The following SPIDR variants were observed in gnomAD, a reference collection of about 807,000 sequenced individuals.
The protein encoded by SPIDR is scaffold protein involved in DNA repair.
In SPIDR, 93 loss-of-function variants were observed where a neutral mutation model predicts 104.6. The ratio of observed to expected loss-of-function variants is 0.89; its 90% CI spans 0.75 to 1.06. The LOEUF (loss-of-function observed/expected upper bound fraction) is 1.06, where lower values mean the gene tolerates loss of function less well. Among genes scored for constraint, SPIDR ranks in the 50% least tolerant of loss-of-function variants. The probability of loss-of-function intolerance (pLI) is 0.00; values close to 1 mark genes in which losing one functional copy is unlikely to be tolerated. For synonymous variants in SPIDR, 431 were observed against 416.9 expected (o/e 1.03, Z -0.41); for missense variants, 1,154 against 1,111.2 (o/e 1.04, Z -0.55).
chr8:47,520,077 G>A (rs191598093), intron 8 of SPIDR, among the ~76,000 whole-genome samples: 1 of 152,274 alleles, frequency 6.6e-6, no homozygotes, highest in East Asian at 1.9e-4. Flanking sequence ...GCCTGAACTT[G>A]ACTATAGATA....
intron 5 of SPIDR, among the ~76,000 whole-genome samples, chr8:47,361,481 G>C (rs1563740118): frequency 6.6e-6 from 1 of 152,198 alleles, no homozygotes; most frequent in Non-Finnish European, 1.5e-5. Context: ...GGCTGGGTTA[G>C]GCAGGTAGGA....
At chr8:47,692,599 G>T (rs1021723110) in intron 11 of SPIDR, among the ~76,000 whole-genome samples, 1 of 148,880 alleles carries the variant, frequency 6.7e-6, no homozygotes, top group Non-Finnish European at 1.5e-5. Context: ...CTGGGTTCAA[G>T]CGATTCTCCT....
chr8:47,336,909 A>G (rs1554609812), intron 5 of SPIDR, among the ~76,000 whole-genome samples: 1 of 152,192 alleles, frequency 6.6e-6, no homozygotes, highest in Non-Finnish European at 1.5e-5. Flanking sequence ...GAGGGTCTGC[A>G]GTTTCTCCAT....
Position 47,668,760 on chromosome 8 carries a change from A to G in SPIDR, c.1545-5041A>G, listed in dbSNP as rs376128902. ...CTAAACGGATTACAAATAGTAATTGATGGATTACAAAAGTTCAATATACAA... is the reference window on the plus strand; with the variant it reads ...CTAAACGGATTACAAATAGTAATTGGTGGATTACAAAAGTTCAATATACAA... On this transcript the variant is annotated intron_variant, in intron 10 of 19. Coordinates refer to ENST00000297423, the MANE Select transcript of SPIDR (RefSeq NM_001080394.4). 5.3e-5 allele frequency among the ~76,000 whole-genome samples: 8 copies of G among 152,330 alleles called. No homozygotes were observed. In the South Asian group the frequency reaches 1.0e-3, roughly 20 times the overall value.
At chr8:47,571,587 C>A (rs1259453966) in intron 8 of SPIDR, among the ~76,000 whole-genome samples, 1 of 152,040 alleles carries the variant, frequency 6.6e-6, no homozygotes. Flanking sequence ...ATATAAAATA[C>A]AAACATTATA....
At chr8:47,473,323 T>G (rs1295375467) in intron 8 of SPIDR, among the ~76,000 whole-genome samples, 1 of 152,194 alleles carries the variant, frequency 6.6e-6, no homozygotes, top group African/African-American at 2.4e-5. Flanking sequence ...TTGTTTTCTT[T>G]TTTCAACATA....
intron 8 of SPIDR, among the ~76,000 whole-genome samples, chr8:47,524,298 C>T (rs2084642642): frequency 6.6e-6 from 1 of 152,192 alleles, no homozygotes; most frequent in Admixed American, 6.5e-5. Context: ...GAAATCTCCT[C>T]CTCCTCTTCT....
At chr8:47,656,130 TC>T (rs2072758428) in intron 10 of SPIDR, among the ~76,000 whole-genome samples, 1 of 152,184 alleles carries the variant, frequency 6.6e-6, no homozygotes, top group Non-Finnish European at 1.5e-5. Flanking sequence ...GACTGTATCT[TC>T]CTAACCGTAC....
intron 7 of SPIDR, among the ~76,000 whole-genome samples, chr8:47,421,082 T>C (rs782328811): frequency 6.6e-6 from 1 of 152,196 alleles, no homozygotes; most frequent in Non-Finnish European, 1.5e-5. Context: ...CTGACAATTA[T>C]GTGTCTTGGA....
rs969112895 is a variant in SPIDR at position 47,374,254 on chromosome 8, G to A, written c.526-22122G>A. ...CTTTTTTTGCTGGCCAGGCATGGTG[G>A]CTCATGCCTGTAATCCTAACACTTT... On this transcript the variant is annotated intron_variant, in intron 5 of 19. Coordinates refer to ENST00000297423, the MANE Select transcript of SPIDR (RefSeq NM_001080394.4). Among the ~76,000 whole-genome samples the A allele has an allele frequency of 3.9e-5, 6 of 152,160 alleles. 1 individual carries two copies. Among genetic ancestry groups the A allele is most frequent in the Middle Eastern group, 6.3e-3 (2 of 316 alleles).
intron 5 of SPIDR, among the ~76,000 whole-genome samples, chr8:47,348,930 A>G (rs2052796520): frequency 6.6e-6 from 1 of 152,088 alleles, no homozygotes; most frequent in Admixed American, 6.5e-5. Flanking sequence ...GTTATTACCG[A>G]TATTCTGAAG....
At chr8:47,721,131 C>T (rs1158150445) in intron 16 of SPIDR, among the ~76,000 whole-genome samples, 1 of 152,170 alleles carries the variant, frequency 6.6e-6, no homozygotes, top group African/African-American at 2.4e-5. Flanking sequence ...TCAGTTGTTT[C>T]TTTCACGAAT....
At chr8:47,336,305 T>TA (rs556167599) in intron 5 of SPIDR, among the ~76,000 whole-genome samples, 185 of 152,314 alleles carry the variant, frequency 1.2e-3, no homozygotes, top group African/African-American at 4.3e-3. Context: ...TCTGTGAACA[T>TA]ACTGTTACTG....
intron 1 of SPIDR, among the ~76,000 whole-genome samples, chr8:47,263,700 T>C (rs1206195463): frequency 6.7e-6 from 1 of 150,214 alleles, no homozygotes; most frequent in Non-Finnish European, 1.5e-5. Context: ...AACTTTCTTC[T>C]GTATGTTCTT....
chr8:47,453,420 G>C (rs782254161), intron 8 of SPIDR, among the ~76,000 whole-genome samples: 38 of 152,160 alleles, frequency 2.5e-4, no homozygotes, highest in Non-Finnish European at 4.3e-4. Context: ...AGAATTTTAA[G>C]CCAAAAGAGC....
At chr8:47,453,597 A>T (rs1264864011) in intron 8 of SPIDR, among the ~76,000 whole-genome samples, 1 of 152,202 alleles carries the variant, frequency 6.6e-6, no homozygotes, top group Non-Finnish European at 1.5e-5. Flanking sequence ...GACAAAAACA[A>T]GAAATGGGGA....
chr8:47,726,772 C>T (rs1204014873), intron 16 of SPIDR, among the ~76,000 whole-genome samples: 4 of 152,226 alleles, frequency 2.6e-5, no homozygotes, highest in African/African-American at 7.2e-5. Context: ...CTTGCCCTGT[C>T]ACCCAGGCTG....
chr8:47,539,375 C>T (rs1587414424), intron 8 of SPIDR, among the ~76,000 whole-genome samples: 4 of 152,180 alleles, frequency 2.6e-5, no homozygotes, highest in Middle Eastern at 3.4e-3. Flanking sequence ...GTGCCCAGAG[C>T]GAGGCCACCT....
chr8:47,417,887 T>C (rs1425600394), intron 7 of SPIDR, among the ~76,000 whole-genome samples: 2 of 150,750 alleles, frequency 1.3e-5, no homozygotes, highest in African/African-American at 5.0e-5. Context: ...GGGAATCCTT[T>C]CCCCATTTCT....
Sources: gnomAD v4.1 joint callset for allele counts (sites outside exome capture counted in the v4.1 genomes callset) on GRCh38, gnomAD v4.1.1 for gene constraint, MANE v1.5 for transcripts, NCBI Gene and HGNC (gene_info 2026-07-23, HGNC 2026-07-21) for gene names.